The following TRIM71 variants were observed in gnomAD, a reference collection of about 807,000 sequenced individuals.
TRIM71 encodes the protein E3 ubiquitin-protein ligase TRIM71.
In TRIM71, 9 loss-of-function variants were observed where a neutral mutation model predicts 61.2. The ratio of observed to expected loss-of-function variants is 0.15; its 90% CI spans 0.09 to 0.26. The LOEUF is 0.26. Among genes scored for constraint, TRIM71 ranks in the 10% least tolerant of loss-of-function variants. TRIM71 has a pLI of 1.00. For missense variants in TRIM71, 998 were observed against 1,238.7 expected (o/e 0.81, Z 2.92); for synonymous variants, 645 against 553.2 (o/e 1.17, Z -2.33).
chr3:32,846,428 A>G lies in TRIM71; in HGVS notation c.853-27390A>G, dbSNP rs112407368. Among the ~76,000 whole-genome samples the G allele has an allele frequency of 3.6e-3, 542 of 152,318 alleles. 8 individuals carry two copies. The highest frequency in any genetic ancestry group is 0.012 in the African/African-American group (504 of 41,578). ...TAACTGTATATGTTTAGGGGGTACA[A>G]TGTGATGTTTGGTATATACATACAT... On this transcript the variant is annotated intron_variant, in intron 1 of 3. Coordinates refer to ENST00000383763, the MANE Select transcript of TRIM71 (RefSeq NM_001039111.3).
chr3:32,890,622 A>T lies in TRIM71; in HGVS notation c.1418A>T (p.Lys473Met). 6.2e-7 allele frequency: 1 copy of T among 1,613,976 alleles called. No individual in the cohort carries two copies. Among genetic ancestry groups the T allele is most frequent in the Non-Finnish European group, 8.5e-7 (1 of 1,180,036 alleles). Reference protein sequence around the residue: ...PPDQALYLAIKSFGFVSSGAF... With the variant: ...PPDQALYLAIMSFGFVSSGAF... ...GATCAGGCACTGTACCTTGCCATCA[A>T]GTCTTTTGGCTTTGTTAGCAGCGGG... The change falls in exon 4 of 4, where the codon AAG (lysine) becomes ATG (methionine). Residue 473 changes from lysine to methionine, a missense_variant. Around this residue, in one of 5 missense-constraint regions of TRIM71, gnomAD observed 291 missense variants for 431.2 expected, o/e 0.67. Coordinates refer to ENST00000383763, the MANE Select transcript of TRIM71 (RefSeq NM_001039111.3). This position sits in a 1 kb window ranked among gnomAD's most constrained non-coding sequence, Gnocchi z 6.2.
chr3:32,888,995 A>G (rs1336039197), intron 3 of TRIM71, among the ~76,000 whole-genome samples: 1 of 152,154 alleles, frequency 6.6e-6, no homozygotes, highest in Non-Finnish European at 1.5e-5. Flanking sequence ...GAACTTGTGA[A>G]AGGCACTGTC....
intron 2 of TRIM71, among the ~76,000 whole-genome samples, chr3:32,883,994 T>C (rs369740799): frequency 9.2e-5 from 14 of 152,296 alleles, no homozygotes; most frequent in Admixed American, 1.3e-4. Context: ...CTGTGAGCCC[T>C]CTGGATCTAC....
intron 1 of TRIM71, among the ~76,000 whole-genome samples, chr3:32,864,667 T>A (rs915064211): frequency 6.6e-6 from 1 of 152,206 alleles, no homozygotes; most frequent in Non-Finnish European, 1.5e-5. Flanking sequence ...AGCATGAGTG[T>A]CTGCCGTCTG....
intron 1 of TRIM71, among the ~76,000 whole-genome samples, chr3:32,833,434 T>C (rs1406074249): frequency 6.6e-6 from 1 of 151,970 alleles, no homozygotes; most frequent in African/African-American, 2.4e-5. Flanking sequence ...GATGATTCCC[T>C]GCCTTTGCTG....
chr3:32,864,985 G>A (rs1368136089), intron 1 of TRIM71, among the ~76,000 whole-genome samples: 5 of 151,314 alleles, frequency 3.3e-5, no homozygotes, highest in Non-Finnish European at 5.9e-5. Flanking sequence ...CTTTTACCTC[G>A]ACCTCTGCCC....
Position 32,886,083 on chromosome 3 carries a change from T to C in TRIM71, c.1155+15T>C. 1.2e-6 allele frequency: 2 copies of C among 1,606,996 alleles called. No homozygotes were observed. Among genetic ancestry groups the C allele is most frequent in the Admixed American group, 1.7e-5 (1 of 59,210 alleles). On this transcript the variant is annotated intron_variant, in intron 3 of 3. Coordinates refer to ENST00000383763, the MANE Select transcript of TRIM71 (RefSeq NM_001039111.3). Reference sequence around the variant, plus strand: ...TGCTGTGGAAGGTAACAGGGAGAGCTCCCCCACCCAGGCTGTGCCCACTCG... The same window carrying C: ...TGCTGTGGAAGGTAACAGGGAGAGCCCCCCCACCCAGGCTGTGCCCACTCG...
At chr3:32,874,324 T>TTAC (rs34214588) in intron 2 of TRIM71, among the ~76,000 whole-genome samples, 1,571 of 121,554 alleles carry the variant, frequency 0.013, 11 homozygotes, top group Middle Eastern at 0.021. Context: ...TTAATGCTTA[T>TTAC]TACTACTACT....
chr3:32,858,519 T>TCTAA (rs780598641), intron 1 of TRIM71, among the ~76,000 whole-genome samples: 21 of 152,176 alleles, frequency 1.4e-4, no homozygotes, highest in Admixed American at 2.6e-4. Context: ...AAGAGCTGTC[T>TCTAA]CTAAAACAGA....
At chr3:32,829,648 GTGTT>G (rs778613522) in intron 1 of TRIM71, among the ~76,000 whole-genome samples, 26 of 151,690 alleles carry the variant, frequency 1.7e-4, no homozygotes, top group Non-Finnish European at 3.5e-4. Flanking sequence ...GTGTGTGTGT[GTGTT>G]TGTGTGTGCG....
At chr3:32,873,652 T>G (rs1310584116) in intron 1 of TRIM71, among the ~76,000 whole-genome samples, 166 bp from the exon 2 acceptor site, 1 of 152,164 alleles carries the variant, frequency 6.6e-6, no homozygotes, top group Non-Finnish European at 1.5e-5. Context: ...CAGATATTTT[T>G]AGTTATGTTT....
intron 1 of TRIM71, among the ~76,000 whole-genome samples, chr3:32,850,902 C>T (rs1377882957): frequency 6.6e-6 from 1 of 152,158 alleles, no homozygotes; most frequent in Non-Finnish European, 1.5e-5. Flanking sequence ...CCCCCACCAC[C>T]CACCTCATTC....
chr3:32,842,400 G>GA (rs955429309), intron 1 of TRIM71, among the ~76,000 whole-genome samples: 3 of 152,122 alleles, frequency 2.0e-5, no homozygotes, highest in African/African-American at 7.2e-5. Flanking sequence ...GAGAGTTCCT[G>GA]AAAAAAATTT....
intron 1 of TRIM71, among the ~76,000 whole-genome samples, chr3:32,851,621 A>G (rs371949096): frequency 1.3e-5 from 2 of 151,906 alleles, no homozygotes; most frequent in East Asian, 3.9e-4. Flanking sequence ...TGGGATTACA[A>G]GTGCCCGCCA....
chr3:32,854,082 G>A (rs1696570069), intron 1 of TRIM71, among the ~76,000 whole-genome samples: 1 of 152,008 alleles, frequency 6.6e-6, no homozygotes, highest in South Asian at 2.1e-4. Context: ...TCTGCCTCCT[G>A]GGTTCAAGTA....
At chr3:32,851,604 G>C (rs1336152008) in intron 1 of TRIM71, among the ~76,000 whole-genome samples, 2 of 151,944 alleles carry the variant, frequency 1.3e-5, no homozygotes, top group Non-Finnish European at 2.9e-5. Context: ...TCAGCCTCCC[G>C]AGTAGCTGGG....
Position 32,890,218 on chromosome 3 carries a change from A to G in TRIM71, c.1156-142A>G. 8.4e-7 allele frequency: 1 copy of G among 1,189,366 alleles called. No homozygotes were observed. The allele number at this position is 1,189,366 out of a possible 1,614,324, so 73.7% of individuals were successfully genotyped here. On this transcript the variant is annotated intron_variant, in intron 3 of 3. Transcript: ENST00000383763. The surrounding 1 kb of genome is among the most constrained non-coding windows in gnomAD (Gnocchi z 6.2). ...TCCATTTTGATTTTGCTGCTTTTGA[A>G]GAAAGACAGATGTCTTTTGTAGACC...
chr3:32,840,516 A>G lies in TRIM71; in HGVS notation c.852+21584A>G, dbSNP rs183760684. 5.6e-3 allele frequency among the ~76,000 whole-genome samples: 857 copies of G among 152,288 alleles called. 24 individuals are homozygous for G. The highest frequency in any genetic ancestry group is 0.041 in the Admixed American group (625 of 15,292). ...CATTATGTTTAGAGACAAAGCCCCG[A>G]AATTGCCTTCTGTGTTTATAAGGTC... On this transcript the variant is annotated intron_variant, in intron 1 of 3. Transcript: ENST00000383763.
intron 1 of TRIM71, among the ~76,000 whole-genome samples, chr3:32,826,090 T>C (rs1185594435): frequency 6.6e-6 from 1 of 152,192 alleles, no homozygotes; most frequent in Non-Finnish European, 1.5e-5. Flanking sequence ...TTCCTCATGC[T>C]GTAGATAAAT....
Sources: gnomAD v4.1 joint callset for allele counts (sites outside exome capture counted in the v4.1 genomes callset) on GRCh38, gnomAD v4.1.1 for gene constraint, gnomAD v4.1.1 regional missense constraint, Gnocchi (gnomAD v3.1) non-coding constraint, MANE v1.5 for transcripts, NCBI Gene and HGNC (gene_info 2026-07-23, HGNC 2026-07-21) for gene names.